The following TFPI variants were observed in gnomAD, a reference collection of about 807,000 sequenced individuals.
TFPI encodes the protein tissue factor pathway inhibitor.
In TFPI, 15 loss-of-function variants were observed where a neutral mutation model predicts 34.6. The observed-to-expected ratio is 0.43, with a 90% CI of 0.29 to 0.67. The LOEUF (loss-of-function observed/expected upper bound fraction) is 0.67, where lower values mean the gene tolerates loss of function less well. Among genes scored for constraint, TFPI ranks in the 30% least tolerant of loss-of-function variants. TFPI has a pLI of 0.15. For synonymous variants in TFPI, 105 were observed against 120.1 expected, an observed-to-expected ratio of 0.87 and a Z score of 0.82; for missense variants, 301 against 364.0, an observed-to-expected ratio of 0.83 and a Z score of 1.41.
chr2:187,516,719 C>A lies in TFPI; in HGVS notation c.-2-12949G>T, dbSNP rs188952895. 1.4e-4 allele frequency: 21 copies of A among 152,282 alleles called. No individual in the cohort carries two copies. The East Asian group carries it at 4.1e-3, about 29-fold the overall frequency. The allele number at this position is 152,282 out of a possible 1,614,324, so 9.4% of individuals were successfully genotyped here. ...AGAAATGAAATTCACCGACAGACAG[C>A]CCAGTGCCACGCCCTGGGCCTGGTA... On this transcript the variant is annotated intron_variant, in intron 1 of 7. Coordinates refer to ENST00000233156, the MANE Select transcript of TFPI (RefSeq NM_006287.6).
At chr2:187,502,354 T>C (rs1685907512) in intron 2 of TFPI, among the ~76,000 whole-genome samples, 1 of 152,152 alleles carries the variant, frequency 6.6e-6, no homozygotes, top group African/African-American at 2.4e-5. Context: ...AGGGAACACT[T>C]GGATCTATTT....
At chr2:187,484,719 A>G (rs1469117722) in intron 5 of TFPI, 92 bp downstream of exon 5, 1 of 1,224,096 alleles carries the variant, frequency 8.2e-7, no homozygotes, top group Non-Finnish European at 1.1e-6. Flanking sequence ...GCATGGCTCA[A>G]ACAAAACCTG....
intron 3 of TFPI, among the ~76,000 whole-genome samples, chr2:187,495,858 T>C (rs1012168695): frequency 6.6e-6 from 1 of 152,068 alleles, no homozygotes; most frequent in Admixed American, 6.6e-5. Flanking sequence ...AATATTGGTC[T>C]AGAAACTAGG....
chr2:187,500,174 G>A (rs150964920), intron 2 of TFPI, among the ~76,000 whole-genome samples: 5 of 152,088 alleles, frequency 3.3e-5, no homozygotes, highest in Non-Finnish European at 7.4e-5. Flanking sequence ...TGATAAACTC[G>A]CTGTAGTAGT....
At chr2:187,536,167 G>A (rs190811551) in intron 1 of TFPI, among the ~76,000 whole-genome samples, 23 of 152,264 alleles carry the variant, frequency 1.5e-4, no homozygotes, top group Admixed American at 5.9e-4. Flanking sequence ...AAGAGTAGCT[G>A]GTACTATTCC....
At chr2:187,540,262 A>G (rs1366948762) in intron 1 of TFPI, among the ~76,000 whole-genome samples, 1 of 152,168 alleles carries the variant, frequency 6.6e-6, no homozygotes. Flanking sequence ...AGAAAGAGTA[A>G]GATCCTTACC....
At position 187,464,962 on chromosome 2, in the gene TFPI, T is replaced by TA. The variant is rs1164500092; in HGVS notation, c.*1973_*1974insT. 6.6e-6 allele frequency: 1 copy of TA among 152,180 alleles called. No homozygotes were observed. Among genetic ancestry groups the TA allele is most frequent in the African/African-American group, 2.4e-5 (1 of 41,446 alleles). 9.4% of individuals were successfully genotyped at this position (152,180 alleles called of 1,614,324 possible). A position where few individuals can be genotyped will look rare whatever the true frequency, so the allele number is the denominator to read the frequency against. On this transcript the variant is annotated 3_prime_UTR_variant, in exon 8 of 8. Coordinates refer to ENST00000233156, the MANE Select transcript of TFPI (RefSeq NM_006287.6). ...CATGAATGGCCTGGAGGGGATCATA[T>TA]TTTTAAACAGGAAATCAGTGTGAAT...
chr2:187,530,294 C>T (rs776548597), intron 1 of TFPI, among the ~76,000 whole-genome samples: 1 of 152,232 alleles, frequency 6.6e-6, no homozygotes. Context: ...ACCCAGAAGG[C>T]TTGTTTTGAA....
intron 3 of TFPI, among the ~76,000 whole-genome samples, chr2:187,488,719 C>A (rs576026912): frequency 7.9e-5 from 12 of 151,354 alleles, no homozygotes; most frequent in Non-Finnish European, 1.5e-4. Flanking sequence ...GAAAGTAATT[C>A]AAGCAGCCTA....
intron 1 of TFPI, among the ~76,000 whole-genome samples, chr2:187,535,368 C>A (rs549430792): frequency 2.6e-5 from 4 of 151,960 alleles, no homozygotes; most frequent in Non-Finnish European, 5.9e-5. Flanking sequence ...TGCAAAAGAA[C>A]GGAAATTATA....
At chr2:187,473,758 A>G (rs1165456357) in intron 6 of TFPI, among the ~76,000 whole-genome samples, 1 of 148,746 alleles carries the variant, frequency 6.7e-6, no homozygotes, top group African/African-American at 2.5e-5. Flanking sequence ...TTCTATAAAG[A>G]AAAAAAAAAC....
At chr2:187,501,812 C>T (rs1466271696) in intron 2 of TFPI, among the ~76,000 whole-genome samples, 2 of 152,118 alleles carry the variant, frequency 1.3e-5, no homozygotes, top group African/African-American at 4.8e-5. Flanking sequence ...AAGCTTATCA[C>T]TACTCTTTTT....
intron 1 of TFPI, among the ~76,000 whole-genome samples, chr2:187,508,179 T>C (rs1686361156): frequency 6.6e-6 from 1 of 152,220 alleles, no homozygotes; most frequent in Admixed American, 6.5e-5. Context: ...TATATCTGTT[T>C]TGCTACCTGT....
At position 187,466,464 on chromosome 2, in the gene TFPI, A is replaced by C. The variant is rs1691725145; in HGVS notation, c.*472T>G. 6.5e-6 allele frequency: 1 copy of C among 153,468 alleles called. No homozygotes were observed. The highest frequency in any genetic ancestry group is 1.4e-5 in the Non-Finnish European group (1 of 69,038). The allele number at this position is 153,468 out of a possible 1,614,324, so 9.5% of individuals were successfully genotyped here. ...CTATTATTACAATAGAATACTATAA[A>C]TACAAAATTGGATAAACTTTATCAG... On this transcript the variant is annotated 3_prime_UTR_variant, in exon 8 of 8. Transcript: ENST00000233156.
At chr2:187,536,724 G>T (rs1283616181) in intron 1 of TFPI, among the ~76,000 whole-genome samples, 1 of 151,864 alleles carries the variant, frequency 6.6e-6, no homozygotes, top group African/African-American at 2.4e-5. Flanking sequence ...AGTATTGGAA[G>T]TTCAGGCAAG....
intron 1 of TFPI, among the ~76,000 whole-genome samples, chr2:187,511,917 AAGAG>A (rs138592131): frequency 6.6e-6 from 1 of 151,046 alleles, no homozygotes. Context: ...GAGTCAAGGA[AAGAG>A]AGAGAGAGAG....
chr2:187,518,235 T>G (rs1559139056), intron 1 of TFPI: 1 of 152,244 alleles, frequency 6.6e-6, no homozygotes, highest in Admixed American at 6.5e-5. Context: ...CTTCAGAGTG[T>G]TGTTGGTTTT....
chr2:187,475,475 C>T (rs1256324831), intron 6 of TFPI, among the ~76,000 whole-genome samples: 3 of 152,104 alleles, frequency 2.0e-5, no homozygotes, highest in East Asian at 1.9e-4. Flanking sequence ...CTATAAACCT[C>T]GGATGAAAAT....
At chr2:187,468,681 G>A (rs899559551) in intron 6 of TFPI, among the ~76,000 whole-genome samples, 5 of 152,036 alleles carry the variant, frequency 3.3e-5, no homozygotes, top group African/African-American at 7.2e-5. Context: ...TACAATTAGG[G>A]TAATAAAAGG....
Sources: gnomAD v4.1 joint callset for allele counts (sites outside exome capture counted in the v4.1 genomes callset) on GRCh38, gnomAD v4.1.1 for gene constraint, MANE v1.5 for transcripts, NCBI Gene and HGNC (gene_info 2026-07-23, HGNC 2026-07-21) for gene names.